The following LPP variants were observed in gnomAD, a reference collection of about 807,000 sequenced individuals.
LPP encodes LIM domain containing preferred translocation partner in lipoma.
In LPP, 38 loss-of-function variants were observed where a neutral mutation model predicts 60.4. That is an observed-to-expected ratio of 0.63 (90% CI 0.49 to 0.83). The LOEUF is 0.83. LPP is among the 40% of genes least tolerant of loss of function. LPP has a pLI of 0.00. For missense variants in LPP, 902 were observed against 783.6 expected (o/e 1.15, Z -1.80); for synonymous variants, 328 against 290.8 (o/e 1.13, Z -1.30).
chr3:188,684,160 C>T (rs1348677517), intron 7 of LPP, among the ~76,000 whole-genome samples: 3 of 152,174 alleles, frequency 2.0e-5, no homozygotes, highest in East Asian at 1.9e-4. Flanking sequence ...AGTCTAATCT[C>T]GGTTAAATGT....
intron 7 of LPP, among the ~76,000 whole-genome samples, chr3:188,626,945 CCTCAAAAAT>C (rs796479364): frequency 6.8e-4 from 104 of 151,890 alleles, no homozygotes; most frequent in African/African-American, 2.4e-3. Flanking sequence ...CTATGAAATA[CCTCAAAAAT>C]CACAAAAATC....
In LPP at chr3:188,573,750, G is replaced by A. The variant is rs971233542; in HGVS notation, c.430-35411G>A. Among the ~76,000 whole-genome samples the A allele has an allele frequency of 3.3e-5, 5 of 152,014 alleles. No individual in the cohort carries two copies. In the South Asian group the frequency reaches 8.3e-4, roughly 25 times the overall value. On this transcript the variant is annotated intron_variant, in intron 6 of 11. Transcript: ENST00000617246. ...CAAACTGTGTTCTTGGGGTTGCGGG[G>A]TATAGAGCTCCTAAAACAGGAAGCC...
rs966440334 is a variant in LPP at position 188,541,753 on chromosome 3, T to C, written c.429+16966T>C. Among the ~76,000 whole-genome samples the C allele has an allele frequency of 5.3e-5, 8 of 151,962 alleles. 1 individual carries two copies. The highest frequency in any genetic ancestry group is 8.8e-5 in the Non-Finnish European group (6 of 67,982). On this transcript the variant is annotated intron_variant, in intron 6 of 11. Coordinates refer to ENST00000617246, the MANE Select transcript of LPP (RefSeq NM_001375462.1). ...TTCTAATAAAAATACAAAAATTAGCTGTGCATGGTGGCGGGCACCTGTAAT... is the reference window on the plus strand; with the variant it reads ...TTCTAATAAAAATACAAAAATTAGCCGTGCATGGTGGCGGGCACCTGTAAT...
At position 188,484,607 on chromosome 3, in the gene LPP, C is replaced by A; in HGVS notation, c.209C>A (p.Pro70His). 6.2e-7 allele frequency: 1 copy of A among 1,612,968 alleles called. No individual in the cohort carries two copies. The highest frequency in any genetic ancestry group is 8.5e-7 in the Non-Finnish European group (1 of 1,179,222). The change falls in exon 5 of 12, where the codon CCC becomes CAC. Residue 70 changes from proline (P) to histidine (H), a missense_variant. Pro to His is a moderately conservative substitution (Grantham distance 77, BLOSUM62 -2). Transcript: ENST00000617246. ...TTTTCTGTAGGTGATTTTCTTCCAC[C>A]CCCACCTCCACCTCTAGATGATTCC... ...QPGGEGDFLP[P>H]PPPPLDDSSA...
chr3:188,656,763 G>T (rs1375276900), intron 7 of LPP, among the ~76,000 whole-genome samples: 3 of 152,118 alleles, frequency 2.0e-5, no homozygotes, highest in Non-Finnish European at 2.9e-5. Context: ...AAGCCTTCTG[G>T]CTTGAAGGAA....
intron 4 of LPP, among the ~76,000 whole-genome samples, chr3:188,475,810 G>A (rs1803029362): frequency 6.6e-6 from 1 of 152,198 alleles, no homozygotes; most frequent in African/African-American, 2.4e-5. Flanking sequence ...GGCTGAGGCA[G>A]GAGAATGGCC....
chr3:188,239,244 G>T (rs1466825250), intron 2 of LPP, among the ~76,000 whole-genome samples: 1 of 152,164 alleles, frequency 6.6e-6, no homozygotes, highest in Admixed American at 6.5e-5. Context: ...GCAATCGTAA[G>T]CCTAATCACC....
At chr3:188,601,265 T>C (rs1188935835) in intron 6 of LPP, among the ~76,000 whole-genome samples, 1 of 152,170 alleles carries the variant, frequency 6.6e-6, no homozygotes, top group Non-Finnish European at 1.5e-5. Flanking sequence ...AAATTTTCCA[T>C]TATCTTTTAG....
chr3:188,319,837 C>G (rs1320521120), intron 2 of LPP, among the ~76,000 whole-genome samples: 1 of 152,098 alleles, frequency 6.6e-6, no homozygotes, highest in Admixed American at 6.5e-5. Flanking sequence ...TCCACTAATG[C>G]CTTTCGTTTT....
chr3:188,447,426 A>G (rs996687726), intron 4 of LPP, among the ~76,000 whole-genome samples: 2 of 152,058 alleles, frequency 1.3e-5, no homozygotes, highest in African/African-American at 4.8e-5. Context: ...CCTGCCCAAC[A>G]TGGTGAAACC....
At chr3:188,226,983 A>G (rs1489855360) in intron 2 of LPP, among the ~76,000 whole-genome samples, 1 of 152,246 alleles carries the variant, frequency 6.6e-6, no homozygotes, top group African/African-American at 2.4e-5. Flanking sequence ...CCCCTAGCAT[A>G]CGTTTAAGTA....
At chr3:188,423,254 C>A (rs1021463645) in intron 4 of LPP, among the ~76,000 whole-genome samples, 3 of 152,122 alleles carry the variant, frequency 2.0e-5, no homozygotes, top group Non-Finnish European at 4.4e-5. Flanking sequence ...CCAGCTTCAT[C>A]CATGTCCCTG....
rs1299084592 is a variant in LPP at position 188,876,594 on chromosome 3, A to G, written c.*2115A>G. 2.5e-5 allele frequency: 5 copies of G among 202,576 alleles called. No individual in the cohort carries two copies. The highest frequency in any genetic ancestry group is 5.1e-5 in the Non-Finnish European group (5 of 98,538). 12.5% of individuals were successfully genotyped at this position (202,576 alleles called of 1,614,324 possible). A position where few individuals can be genotyped will look rare whatever the true frequency, so the allele number is the denominator to read the frequency against. On this transcript the variant is annotated 3_prime_UTR_variant, in exon 12 of 12. Coordinates refer to ENST00000617246, the MANE Select transcript of LPP (RefSeq NM_001375462.1). The stretch of plus-strand genomic sequence containing the variant: ...CTCAAGTAGCACTGACTATTTGACA[A>G]TAGGGCTGATAATGTAATCGGCTTG...
At chr3:188,498,910 G>A (rs761215912) in intron 5 of LPP, among the ~76,000 whole-genome samples, 18 of 152,072 alleles carry the variant, frequency 1.2e-4, no homozygotes, top group East Asian at 9.6e-4. Flanking sequence ...CTGATTTTGA[G>A]CATCTATTCA....
At chr3:188,382,407 T>C (rs1777139170) in intron 3 of LPP, among the ~76,000 whole-genome samples, 1 of 152,228 alleles carries the variant, frequency 6.6e-6, no homozygotes, top group Non-Finnish European at 1.5e-5. Context: ...AGCATCAAAT[T>C]CTAAGTTAAT....
chr3:188,673,531 G>T (rs752651843), intron 7 of LPP, among the ~76,000 whole-genome samples: 3 of 151,986 alleles, frequency 2.0e-5, no homozygotes, highest in Non-Finnish European at 4.4e-5. Context: ...CTCATGCTTT[G>T]GTCTCTCTGA....
At chr3:188,455,284 T>TA (rs903577433) in intron 4 of LPP, among the ~76,000 whole-genome samples, 1 of 151,984 alleles carries the variant, frequency 6.6e-6, no homozygotes, top group African/African-American at 2.4e-5. Context: ...CAACAAGGAT[T>TA]AAAAAAAGAG....
At chr3:188,627,216 A>T (rs1175237272) in intron 7 of LPP, among the ~76,000 whole-genome samples, 1 of 152,196 alleles carries the variant, frequency 6.6e-6, no homozygotes, top group Admixed American at 6.5e-5. Context: ...GCCTGCTAAC[A>T]CTATAAAGCA....
intron 3 of LPP, among the ~76,000 whole-genome samples, chr3:188,378,263 G>A (rs1022418231): frequency 6.6e-6 from 1 of 152,236 alleles, no homozygotes; most frequent in Non-Finnish European, 1.5e-5. Context: ...GTCTGCAGAG[G>A]TTACTGCTGT....
Sources: gnomAD v4.1 joint callset for allele counts (sites outside exome capture counted in the v4.1 genomes callset) on GRCh38, gnomAD v4.1.1 for gene constraint, MANE v1.5 for transcripts, NCBI Gene and HGNC (gene_info 2026-07-23, HGNC 2026-07-21) for gene names.